Variants in C6 observed in about 807,000 individuals in gnomAD.
The protein encoded by C6 is complement C6, also known as complement component C6.
Under a neutral mutation model 112.9 loss-of-function variants are expected in C6, and 101 were observed. That is an observed-to-expected ratio of 0.89 (90% CI 0.76 to 1.06). The LOEUF (loss-of-function observed/expected upper bound fraction) is 1.06, where lower values mean the gene tolerates loss of function less well. Ranked by LOEUF, C6 falls within the 50% of genes least tolerant of loss-of-function variation. The pLI is 0.00. For synonymous variants in C6, 431 were observed against 384.1 expected (o/e 1.12, Z -1.43); for missense variants, 1,202 against 1,104.6 (o/e 1.09, Z -1.25).
intron 13 of C6, among the ~76,000 whole-genome samples, chr5:41,158,418 A>G (rs992772384): frequency 2.0e-5 from 3 of 152,288 alleles, no homozygotes; most frequent in East Asian, 3.9e-4. Context: ...ATACAATCCT[A>G]TATTATACTG....
Position 41,142,978 on chromosome 5 carries a change from C to T in C6, c.2652G>A (p.Leu884=), listed in dbSNP as rs892712339. 10 of 1,613,340 alleles carry T rather than the reference C, an allele frequency of 6.2e-6. No homozygotes were observed. Among genetic ancestry groups the T allele is most frequent in the Non-Finnish European group, 8.5e-6 (10 of 1,179,678 alleles). Residue 884 remains leucine, a synonymous_variant, in exon 18 of 18, where the codon TTG becomes TTA. Transcript: ENST00000337836. ...SASTSKCVCL[L]PPQCFKGGNQ... Reference sequence around the variant, plus strand: ...TTCCACCCTTGAAGCACTGTGGGGGCAATAGGCAGACACATTTGGAAGTGG... The same window carrying T: ...TTCCACCCTTGAAGCACTGTGGGGGTAATAGGCAGACACATTTGGAAGTGG...
chr5:41,174,324 A>G (rs1748668619), intron 8 of C6, among the ~76,000 whole-genome samples: 1 of 152,136 alleles, frequency 6.6e-6, no homozygotes, highest in Admixed American at 6.6e-5. Flanking sequence ...CTTAAACCTC[A>G]GTGTTCCTCT....
At chr5:41,222,330 A>G (rs1448871336) in intron 1 of C6, among the ~76,000 whole-genome samples, 1 of 152,044 alleles carries the variant, frequency 6.6e-6, no homozygotes, top group African/African-American at 2.4e-5. Flanking sequence ...ATGCAGTTAC[A>G]AAGTTGTTAT....
Position 41,203,097 on chromosome 5 carries a change from C to T in C6, c.134G>A (p.Ser45Asn), listed in dbSNP as rs774470471. The change falls in exon 2 of 18, where the codon AGC (serine) becomes AAC (asparagine). Residue 45 changes from serine to asparagine, a missense_variant. Physicochemically the swap from Ser to Asn is conservative, Grantham distance 46. Transcript: ENST00000337836. ...CSKTCNSGTQ[S>N]RHRQIVVDKY... ...CAAAGCTCACACCCACCTGTGTCTG[C>T]TCTGGGTTCCAGAATTGCAAGTTTT... The T allele has an allele frequency of 3.7e-6, 6 of 1,613,930 alleles. No individual in the cohort carries two copies. The Admixed American group carries it at 1.0e-4, about 27-fold the overall frequency.
chr5:41,261,128 A>G (rs758103263), intron 1 of C6: 5 of 900,142 alleles, frequency 5.6e-6, no homozygotes, highest in African/African-American at 1.8e-5. Context: ...AGCCATTTCA[A>G]GAAGCACCAA....
At chr5:41,257,892 T>C (rs950534968) in intron 1 of C6, among the ~76,000 whole-genome samples, 6 of 152,186 alleles carry the variant, frequency 3.9e-5, no homozygotes, top group Admixed American at 3.3e-4. Flanking sequence ...ATGTATGTAT[T>C]TGATATTATT....
intron 17 of C6, among the ~76,000 whole-genome samples, chr5:41,146,133 A>G (rs1745799416): frequency 6.6e-6 from 1 of 152,178 alleles, no homozygotes; most frequent in South Asian, 2.1e-4. Context: ...TCTTAAAACC[A>G]TCATCATGGC....
rs796170526 is a variant in C6, at chr5:41,227,007, T to C, written c.-20-23757A>G. 4.6e-5 allele frequency among the ~76,000 whole-genome samples: 7 copies of C among 152,296 alleles called. 1 individual carries two copies. Among genetic ancestry groups the C allele is most frequent in the African/African-American group, 1.7e-4 (7 of 41,590 alleles). Reference sequence around the variant, plus strand: ...AATGCTGGATCATATGGATTTCTATTTTTAATCCTTTGAAGAACCTCCATA... The same window carrying C: ...AATGCTGGATCATATGGATTTCTATCTTTAATCCTTTGAAGAACCTCCATA... On this transcript the variant is annotated intron_variant, in intron 1 of 17. Transcript: ENST00000263413.
At chr5:41,229,063 C>T (rs1398304513) in intron 1 of C6, among the ~76,000 whole-genome samples, 4 of 152,022 alleles carry the variant, frequency 2.6e-5, no homozygotes, top group Admixed American at 2.6e-4. Flanking sequence ...TGCAGTGAGC[C>T]AAGATAGTGC....
chr5:41,152,939 C>G (rs762084178), intron 15 of C6: 4 of 152,264 alleles, frequency 2.6e-5, no homozygotes, highest in Non-Finnish European at 4.4e-5. Flanking sequence ...TGGGACTCAG[C>G]TGCCCACACC....
At chr5:41,256,234 T>C (rs959707332) in intron 1 of C6, among the ~76,000 whole-genome samples, 1 of 152,026 alleles carries the variant, frequency 6.6e-6, no homozygotes, top group Non-Finnish European at 1.5e-5. Context: ...TTGTGAATAA[T>C]GCCGCAATAA....
Position 41,154,755 on chromosome 5 carries a change from A to C in C6, c.2101+217T>G, listed in dbSNP as rs1361122523. On this transcript the variant is annotated intron_variant, in intron 14 of 17. Coordinates refer to ENST00000337836, the MANE Select transcript of C6 (RefSeq NM_000065.5). The stretch of plus-strand genomic sequence containing the variant: ...TTCACAGTCCTATGTGTGTGACAGT[A>C]ATAGGTAGGAGCAGGAACACTGAAA... 3.3e-5 allele frequency among the ~76,000 whole-genome samples: 5 copies of C among 152,302 alleles called. No homozygotes were observed. In the East Asian group the frequency reaches 7.7e-4, roughly 24 times the overall value.
chr5:41,154,895 A>T, intron 14 of C6, 77 bp downstream of exon 14: 5 of 1,390,478 alleles, frequency 3.6e-6, no homozygotes, highest in Non-Finnish European at 1.0e-6. Context: ...TGATCTAAGG[A>T]TGTGATTTTA....
rs147820402 is a variant in C6, at chr5:41,168,033, C to T, written c.1291+4192G>A. Among the ~76,000 whole-genome samples, 305 of 152,242 alleles carry T rather than the reference C, an allele frequency of 2.0e-3. 4 individuals are homozygous for T. The highest frequency in any genetic ancestry group is 0.01 in the East Asian group (52 of 5,190). Reference sequence around the variant, plus strand: ...TTAACAGTGGGAACAAGAGCCAACACTGTAGAAATCTTAATTAGTTCAGTT... The same window carrying T: ...TTAACAGTGGGAACAAGAGCCAACATTGTAGAAATCTTAATTAGTTCAGTT... On this transcript the variant is annotated intron_variant, in intron 9 of 17. Coordinates refer to ENST00000337836, the MANE Select transcript of C6 (RefSeq NM_000065.5).
At chr5:41,195,749 C>T (rs1750560392) in intron 5 of C6, 43 bp downstream of exon 5, 1 of 1,602,742 alleles carries the variant, frequency 6.2e-7, no homozygotes, top group Non-Finnish European at 8.5e-7. Context: ...CTCATTTGTT[C>T]TGATACCTGT....
chr5:41,169,112 G>T (rs1395084048), intron 9 of C6, among the ~76,000 whole-genome samples: 1 of 152,116 alleles, frequency 6.6e-6, no homozygotes, highest in East Asian at 1.9e-4. Flanking sequence ...GCCAAGGCAG[G>T]ACCATCAACA....
upstream of C6, among the ~76,000 whole-genome samples, chr5:41,214,151 T>A (rs954351160): frequency 6.6e-6 from 1 of 152,156 alleles, no homozygotes; most frequent in Admixed American, 6.6e-5. Flanking sequence ...CTATAGGGAC[T>A]GAGAATGTGG....
intron 1 of C6, among the ~76,000 whole-genome samples, chr5:41,227,532 G>A (rs888356269): frequency 6.6e-6 from 1 of 152,034 alleles, no homozygotes; most frequent in Non-Finnish European, 1.5e-5. Flanking sequence ...TCATTGCCCA[G>A]ACCAGTGTCA....
At chr5:41,257,712 A>G (rs1225892493) in intron 1 of C6, among the ~76,000 whole-genome samples, 2 of 152,138 alleles carry the variant, frequency 1.3e-5, no homozygotes, top group African/African-American at 4.8e-5. Flanking sequence ...TTGTAGGCAC[A>G]TACTCTGCCC....
Sources: gnomAD v4.1 joint callset for allele counts (sites outside exome capture counted in the v4.1 genomes callset) on GRCh38, gnomAD v4.1.1 for gene constraint, MANE v1.5 for transcripts, NCBI Gene and HGNC (gene_info 2026-07-23, HGNC 2026-07-21) for gene names.